The following RFX3 variants were observed in gnomAD, a reference collection of about 807,000 sequenced individuals.
The protein encoded by RFX3 is transcription factor RFX3.
A neutral mutation model predicts 98.6 loss-of-function variants in RFX3; 14 were observed. The ratio of observed to expected loss-of-function variants is 0.14; its 90% CI spans 0.09 to 0.22. The LOEUF (loss-of-function observed/expected upper bound fraction) is 0.22, where lower values mean the gene tolerates loss of function less well. RFX3 is among the 10% of genes least tolerant of loss of function. RFX3 has a pLI of 1.00. For missense variants in RFX3, 639 were observed against 926.9 expected, an observed-to-expected ratio of 0.69 and a Z score of 4.03; for synonymous variants, 383 against 328.4, an observed-to-expected ratio of 1.17 and a Z score of -1.80.
At chr9:3,305,005 C>A (rs1352814273) in intron 4 of RFX3, among the ~76,000 whole-genome samples, 3 of 151,946 alleles carry the variant, frequency 2.0e-5, no homozygotes, top group Non-Finnish European at 4.4e-5. Context: ...AGAACACCTA[C>A]AAAATTCACA....
chr9:3,389,728 T>C (rs554750161), intron 2 of RFX3, among the ~76,000 whole-genome samples: 2 of 152,108 alleles, frequency 1.3e-5, no homozygotes, highest in Non-Finnish European at 2.9e-5. Context: ...GCTATGTGTA[T>C]AAGGTATATA....
chr9:3,472,191 G>A (rs527457034), intron 1 of RFX3, among the ~76,000 whole-genome samples: 39 of 152,178 alleles, frequency 2.6e-4, no homozygotes, highest in Non-Finnish European at 5.0e-4. Flanking sequence ...GACAGGAAGA[G>A]GGAAGTTTTT....
At chr9:3,397,676 G>C (rs1016017338) in intron 1 of RFX3, among the ~76,000 whole-genome samples, 1 of 152,148 alleles carries the variant, frequency 6.6e-6, no homozygotes, top group South Asian at 2.1e-4. Flanking sequence ...TCTACACTTT[G>C]ACATTGGCAT....
At chr9:3,368,195 C>T (rs1244762651) in intron 2 of RFX3, among the ~76,000 whole-genome samples, 2 of 151,946 alleles carry the variant, frequency 1.3e-5, no homozygotes, top group East Asian at 1.9e-4. Flanking sequence ...ACTCTGAAAG[C>T]AGTTTAGAGA....
chr9:3,452,015 T>C (rs1336650693), intron 1 of RFX3, among the ~76,000 whole-genome samples: 1 of 152,154 alleles, frequency 6.6e-6, no homozygotes, highest in African/African-American at 2.4e-5. Context: ...GAGAAGCATA[T>C]TTCTGCATCT....
At chr9:3,232,387 C>T (rs1818587605) in intron 15 of RFX3, among the ~76,000 whole-genome samples, 1 of 152,164 alleles carries the variant, frequency 6.6e-6, no homozygotes, top group Non-Finnish European at 1.5e-5. Flanking sequence ...ATCACCATCC[C>T]TGTCACTCTC....
chr9:3,247,574 A>T, intron 15 of RFX3: 1 of 1,216,620 alleles, frequency 8.2e-7, no homozygotes, highest in Non-Finnish European at 1.0e-6. Flanking sequence ...GTGTCCAAAA[A>T]ATGTTAGTTA....
intron 7 of RFX3, among the ~76,000 whole-genome samples, chr9:3,287,094 T>C (rs867663085): frequency 1.3e-5 from 2 of 152,044 alleles, no homozygotes; most frequent in South Asian, 2.1e-4. Flanking sequence ...TCTTCAAACA[T>C]AAGAACTGTG....
At chr9:3,318,807 G>C (rs1830926918) in intron 4 of RFX3, among the ~76,000 whole-genome samples, 2 of 152,128 alleles carry the variant, frequency 1.3e-5, no homozygotes, top group Admixed American at 1.3e-4. Flanking sequence ...TCATAGCGGG[G>C]AGAAAAACGG....
chr9:3,339,038 G>A (rs887902181), intron 3 of RFX3, among the ~76,000 whole-genome samples: 1 of 151,940 alleles, frequency 6.6e-6, no homozygotes, highest in Non-Finnish European at 1.5e-5. Flanking sequence ...GCAGTGAGCC[G>A]AGATCGCACC....
chr9:3,289,580 C>CTG (rs1827072162), intron 6 of RFX3, among the ~76,000 whole-genome samples: 1 of 152,080 alleles, frequency 6.6e-6, no homozygotes, highest in South Asian at 2.1e-4. Context: ...CAGGACAAAA[C>CTG]TACAGAGGAA....
intron 1 of RFX3, among the ~76,000 whole-genome samples, chr9:3,501,037 TCTC>T (rs1323766613): frequency 1.3e-5 from 2 of 152,168 alleles, no homozygotes; most frequent in East Asian, 1.9e-4. Context: ...TGGGTCCTTG[TCTC>T]CTCAAGGCTA....
intron 2 of RFX3, among the ~76,000 whole-genome samples, chr9:3,368,806 A>G (rs1587356297): frequency 7.6e-6 from 1 of 131,598 alleles, no homozygotes; most frequent in Non-Finnish European, 1.6e-5. Context: ...ACTGGATGAC[A>G]GAGTTAATTT....
At chr9:3,522,623 A>T (rs1251478111) in intron 1 of RFX3, among the ~76,000 whole-genome samples, 3 of 151,460 alleles carry the variant, frequency 2.0e-5, no homozygotes, top group African/African-American at 7.3e-5. Flanking sequence ...ATGCCCACCC[A>T]TTTAAACACA....
chr9:3,420,984 G>C, intron 1 of RFX3: 2 of 767,954 alleles, frequency 2.6e-6, no homozygotes, highest in Non-Finnish European at 3.1e-6. Context: ...AATGAAATCT[G>C]TGGACTCTCA....
At chr9:3,462,116 GACAAGCATACT>G (rs1045606265) in intron 1 of RFX3, among the ~76,000 whole-genome samples, 2 of 151,882 alleles carry the variant, frequency 1.3e-5, no homozygotes, top group African/African-American at 2.4e-5. Context: ...AGAAAAAAGT[GACAAGCATACT>G]ACAAGAAAAT....
At chr9:3,235,715 A>G (rs1306295670) in intron 15 of RFX3, among the ~76,000 whole-genome samples, 1 of 152,052 alleles carries the variant, frequency 6.6e-6, no homozygotes, top group African/African-American at 2.4e-5. Flanking sequence ...AGTCTCACAC[A>G]TTGCGTCACT....
intron 4 of RFX3, among the ~76,000 whole-genome samples, chr9:3,327,358 C>T (rs1252452469): frequency 6.6e-6 from 1 of 152,096 alleles, no homozygotes; most frequent in East Asian, 1.9e-4. Context: ...AAACTGTAAA[C>T]TGAGAATCAC....
intron 1 of RFX3, among the ~76,000 whole-genome samples, chr9:3,480,413 C>A (rs1014813346): frequency 2.0e-5 from 3 of 152,144 alleles, no homozygotes; most frequent in African/African-American, 7.2e-5. Context: ...CCTTTTTGCA[C>A]CCAGACCTGG....
Sources: gnomAD v4.1 joint callset for allele counts (sites outside exome capture counted in the v4.1 genomes callset) on GRCh38, gnomAD v4.1.1 for gene constraint, MANE v1.5 for transcripts, NCBI Gene and HGNC (gene_info 2026-07-23, HGNC 2026-07-21) for gene names.